The following CFDP1 variants were observed in gnomAD, a reference collection of about 807,000 sequenced individuals.
The protein encoded by CFDP1 is chromatin remodeling protein CFDP1.
CFDP1 carries 31 observed loss-of-function variants against 40.1 expected under a neutral mutation model. That is an observed-to-expected ratio of 0.77 (90% CI 0.58 to 1.04). The LOEUF (loss-of-function observed/expected upper bound fraction) is 1.04, where lower values mean the gene tolerates loss of function less well. Ranked by LOEUF, CFDP1 falls within the 50% of genes least tolerant of loss-of-function variation. CFDP1 has a pLI of 0.00. For synonymous variants in CFDP1, 167 were observed against 120.0 expected (o/e 1.39, Z -2.56); for missense variants, 423 against 343.4 (o/e 1.23, Z -1.83).
chr16:75,330,373 G>C (rs1342511952), intron 5 of CFDP1, among the ~76,000 whole-genome samples: 1 of 152,182 alleles, frequency 6.6e-6, no homozygotes. Flanking sequence ...GATCACTTGA[G>C]GTCAGGAGTT....
chr16:75,363,681 C>A (rs1397152501), intron 5 of CFDP1, among the ~76,000 whole-genome samples: 1 of 152,116 alleles, frequency 6.6e-6, no homozygotes, highest in Admixed American at 6.5e-5. Context: ...CAGGTGTGAG[C>A]CACCATGTCC....
chr16:75,417,731 C>G (rs1182067581), intron 1 of CFDP1, among the ~76,000 whole-genome samples: 1 of 151,720 alleles, frequency 6.6e-6, no homozygotes, highest in Non-Finnish European at 1.5e-5. Context: ...AAAATGATAA[C>G]ATAACCACAT....
intron 5 of CFDP1, chr16:75,306,277 G>C (rs1597320694): frequency 6.6e-6 from 1 of 152,176 alleles, no homozygotes; most frequent in Non-Finnish European, 1.5e-5. Context: ...CTGTGACACA[G>C]GACCCAGTCT....
chr16:75,393,559 G>A lies in CFDP1; in HGVS notation c.650+1531C>T, dbSNP rs921659350. On this transcript the variant is annotated intron_variant, in intron 5 of 6. Transcript: ENST00000283882. The stretch of plus-strand genomic sequence containing the variant: ...ATCCTGGCTAACAAGGTGAAACCCC[G>A]TCTCTACTAAAAATACAAAAAATTA... Among the ~76,000 whole-genome samples, 24 of 151,214 alleles carry A rather than the reference G, an allele frequency of 1.6e-4. 1 individual carries two copies. The highest frequency in any genetic ancestry group is 9.9e-4 in the Admixed American group (15 of 15,180).
chr16:75,411,336 G>A (rs989663126), intron 4 of CFDP1, among the ~76,000 whole-genome samples: 6 of 152,008 alleles, frequency 3.9e-5, no homozygotes, highest in African/African-American at 1.2e-4. Flanking sequence ...ACTGGGACCC[G>A]GGAGGCAGAG....
At chr16:75,401,320 C>G (rs922358480) in intron 4 of CFDP1, among the ~76,000 whole-genome samples, 2 of 149,202 alleles carry the variant, frequency 1.3e-5, no homozygotes, top group Non-Finnish European at 1.5e-5. Flanking sequence ...CCCTGCTACT[C>G]GGGAGGCTGA....
In CFDP1 at chr16:75,412,609, CCTT is replaced by C. The variant is rs767084837; in HGVS notation, c.325_327del (p.Lys109del). On this transcript the variant is annotated inframe_deletion, in exon 3 of 7. Transcript: ENST00000283882. Reference sequence around the variant, plus strand: ...AGGAAGCTGGCCCAGAGTTCGTCCTCCTTCTTTTTCCTGGCATCCTCTGATCCA... The same window carrying C: ...AGGAAGCTGGCCCAGAGTTCGTCCTCCTTTTTCCTGGCATCCTCTGATCCA... The C allele has an allele frequency of 2.7e-5, 43 of 1,614,010 alleles. No individual in the cohort carries two copies. Among genetic ancestry groups the C allele is most frequent in the Non-Finnish European group, 3.3e-5 (39 of 1,180,024 alleles).
intron 1 of CFDP1, among the ~76,000 whole-genome samples, chr16:75,424,588 T>C (rs968210111): frequency 5.3e-5 from 8 of 152,172 alleles, no homozygotes; most frequent in African/African-American, 1.7e-4. Context: ...ACCCAGTCTC[T>C]ACTAAAAATA....
intron 1 of CFDP1, among the ~76,000 whole-genome samples, chr16:75,417,091 A>C (rs1323470542): frequency 1.3e-5 from 2 of 152,122 alleles, no homozygotes; most frequent in African/African-American, 4.8e-5. Context: ...GGATCACTTG[A>C]ACCCAGGAGG....
At chr16:75,353,703 C>T (rs1455209582) in intron 5 of CFDP1, among the ~76,000 whole-genome samples, 4 of 122,298 alleles carry the variant, frequency 3.3e-5, no homozygotes, top group Non-Finnish European at 4.7e-5. Flanking sequence ...GAGCCGAGAT[C>T]GTGCCACTGC....
chr16:75,406,714 T>C (rs887376902), intron 4 of CFDP1: 2 of 146,276 alleles, frequency 1.4e-5, no homozygotes, highest in African/African-American at 2.5e-5. Flanking sequence ...AAAATAAAAA[T>C]AAATAAAATA....
intron 4 of CFDP1, among the ~76,000 whole-genome samples, chr16:75,410,655 T>A (rs912447009): frequency 2.6e-5 from 4 of 151,792 alleles, no homozygotes; most frequent in African/African-American, 9.7e-5. Context: ...ACACCTGTAA[T>A]CCCAGCACTT....
chr16:75,399,544 C>T (rs766769913), intron 4 of CFDP1, among the ~76,000 whole-genome samples: 24 of 152,100 alleles, frequency 1.6e-4, no homozygotes, highest in Non-Finnish European at 3.2e-4. Context: ...GAATTTTCTT[C>T]TTCTTTTTTT....
At chr16:75,351,739 G>A (rs1386999614) in intron 5 of CFDP1, among the ~76,000 whole-genome samples, 1 of 152,174 alleles carries the variant, frequency 6.6e-6, no homozygotes, top group Non-Finnish European at 1.5e-5. Context: ...CAAGTGTGGT[G>A]GCTCACGCCT....
chr16:75,427,848 T>G (rs11862684), intron 1 of CFDP1, among the ~76,000 whole-genome samples: 78,570 of 152,116 alleles, frequency 0.52, 21,357 homozygotes, highest in Admixed American at 0.64. Context: ...ACCCAGTGTC[T>G]TTCAAATGCA....
At chr16:75,388,231 G>C (rs1193410780) in intron 5 of CFDP1, among the ~76,000 whole-genome samples, 1 of 152,158 alleles carries the variant, frequency 6.6e-6, no homozygotes, top group Non-Finnish European at 1.5e-5. Flanking sequence ...TGTTTATGTG[G>C]GTTAAGTGAA....
rs949620536 is a variant in CFDP1 at position 75,396,522 on chromosome 16, G to A, written c.531-1313C>T. On this transcript the variant is annotated intron_variant, in intron 4 of 6. Transcript: ENST00000283882. Reference sequence around the variant, plus strand: ...CCACTGCACTTCAGCCTGGGCAACAGAGCGAGACTCTGTCTCAAAAATAAA... The same window carrying A: ...CCACTGCACTTCAGCCTGGGCAACAAAGCGAGACTCTGTCTCAAAAATAAA... Among the ~76,000 whole-genome samples, 2 of 103,850 alleles carry A rather than the reference G, an allele frequency of 1.9e-5. 1 individual carries two copies. The highest frequency in any genetic ancestry group is 5.7e-5 in the African/African-American group (2 of 34,832). The allele number at this position is 103,850 out of a possible 152,430, so 68.1% of individuals were successfully genotyped here.
In CFDP1 at chr16:75,396,407, C is replaced by T. The variant is rs965616281; in HGVS notation, c.531-1198G>A. ...ACAAAAAATTAGCCAGGCATAGTGGCAGGCGCCTGTAATCACAGCTACTAG... is the reference window on the plus strand; with the variant it reads ...ACAAAAAATTAGCCAGGCATAGTGGTAGGCGCCTGTAATCACAGCTACTAG... On this transcript the variant is annotated intron_variant, in intron 4 of 6. Transcript: ENST00000283882. 8.2e-4 allele frequency among the ~76,000 whole-genome samples: 84 copies of T among 102,948 alleles called. 24 individuals carry two copies. The highest frequency in any genetic ancestry group is 2.0e-3 in the Non-Finnish European group (84 of 42,990). The allele number at this position is 102,948 out of a possible 152,430, so 67.5% of individuals were successfully genotyped here.
At chr16:75,386,370 C>G (rs2078897888) in intron 5 of CFDP1, among the ~76,000 whole-genome samples, 1 of 152,182 alleles carries the variant, frequency 6.6e-6, no homozygotes, top group African/African-American at 2.4e-5. Context: ...TGTAGGTATT[C>G]AATCCGAACT....
Sources: gnomAD v4.1 joint callset for allele counts (sites outside exome capture counted in the v4.1 genomes callset) on GRCh38, gnomAD v4.1.1 for gene constraint, MANE v1.5 for transcripts, NCBI Gene and HGNC (gene_info 2026-07-23, HGNC 2026-07-21) for gene names.